The following GSTCD variants were observed in gnomAD, a reference collection of about 807,000 sequenced individuals.
GSTCD encodes the protein glutathione S-transferase C-terminal domain-containing protein.
In GSTCD, 44 loss-of-function variants were observed where a neutral mutation model predicts 68.3. That is an observed-to-expected ratio of 0.64 (90% CI 0.51 to 0.83). GSTCD has a LOEUF of 0.83. Ranked by LOEUF, GSTCD falls within the 40% of genes least tolerant of loss-of-function variation. The pLI, the probability that GSTCD is intolerant of heterozygous loss-of-function variation, is 0.00. For synonymous variants in GSTCD, 273 were observed against 255.2 expected (o/e 1.07, Z -0.67); for missense variants, 739 against 735.9 (o/e 1.00, Z -0.05).
At chr4:105,773,287 T>G (rs1734927202) in intron 5 of GSTCD, among the ~76,000 whole-genome samples, 2 of 152,152 alleles carry the variant, frequency 1.3e-5, no homozygotes, top group Admixed American at 1.3e-4. Flanking sequence ...ATCTATTTTG[T>G]TAATCTTTTC....
intron 4 of GSTCD, among the ~76,000 whole-genome samples, chr4:105,727,871 T>C (rs1733094210): frequency 6.6e-6 from 1 of 152,210 alleles, no homozygotes; most frequent in African/African-American, 2.4e-5. Flanking sequence ...AGAGAATTCA[T>C]GAAGTAAGTT....
intron 5 of GSTCD, among the ~76,000 whole-genome samples, chr4:105,782,739 T>G (rs2149250417): frequency 6.6e-6 from 1 of 152,184 alleles, no homozygotes; most frequent in Non-Finnish European, 1.5e-5. Context: ...TGCACCATCA[T>G]GCCCAGCTAA....
intron 5 of GSTCD, among the ~76,000 whole-genome samples, chr4:105,812,512 T>A (rs544408686): frequency 4.0e-4 from 61 of 152,256 alleles, no homozygotes; most frequent in African/African-American, 1.4e-3. Flanking sequence ...ATACTATGTT[T>A]TAAATCAGCT....
intron 3 of GSTCD, among the ~76,000 whole-genome samples, chr4:105,724,916 G>A (rs1286306418): frequency 1.3e-5 from 2 of 151,956 alleles, no homozygotes; most frequent in African/African-American, 4.8e-5. Context: ...TATGCAGTGT[G>A]TTAAGAACTT....
chr4:105,733,964 A>G (rs1039783524), intron 5 of GSTCD, among the ~76,000 whole-genome samples: 2 of 152,164 alleles, frequency 1.3e-5, no homozygotes, highest in African/African-American at 4.8e-5. Flanking sequence ...TTGGCTGGAT[A>G]TGAAATTCTG....
At position 105,717,809 on chromosome 4, in the gene GSTCD, G is replaced by A. The variant is rs1732728623; in HGVS notation, c.196G>A (p.Asp66Asn). The A allele has an allele frequency of 3.1e-6, 5 of 1,613,832 alleles. No homozygotes were observed. The highest frequency in any genetic ancestry group is 3.4e-6 in the Non-Finnish European group (4 of 1,179,880). Reference protein sequence around the residue: ...VSRDSSLLRDDLIQDVEIQII... With the variant: ...VSRDSSLLRDNLIQDVEIQII... Reference sequence around the variant, plus strand: ...TAGAGATAGTTCACTACTAAGAGATGACCTGATCCAGGATGTTGAAATACA... The same window carrying A: ...TAGAGATAGTTCACTACTAAGAGATAACCTGATCCAGGATGTTGAAATACA... The change falls in exon 2 of 12, where the codon GAC becomes AAC. Residue 66 changes from aspartate (D) to asparagine (N), a missense_variant. Coordinates refer to ENST00000515279, the MANE Select transcript of GSTCD (RefSeq NM_001370181.1).
intron 5 of GSTCD, among the ~76,000 whole-genome samples, chr4:105,751,870 A>T (rs1734021059): frequency 6.6e-6 from 1 of 152,182 alleles, no homozygotes; most frequent in Non-Finnish European, 1.5e-5. Context: ...AGTGAATGAG[A>T]TCATTTTGAA....
At chr4:105,749,185 C>CAT (rs199856654) in intron 5 of GSTCD, among the ~76,000 whole-genome samples, 8,154 of 143,078 alleles carry the variant, frequency 0.057, 252 homozygotes, top group Middle Eastern at 0.16. Flanking sequence ...AAAAAAGAAA[C>CAT]GTAAAATGCA....
intron 5 of GSTCD, among the ~76,000 whole-genome samples, chr4:105,754,282 A>G (rs757486779): frequency 3.9e-5 from 6 of 152,178 alleles, no homozygotes; most frequent in Non-Finnish European, 7.4e-5. Flanking sequence ...GCTCACAGGC[A>G]CTTAAACAAT....
chr4:105,779,251 A>G (rs1426676985), intron 5 of GSTCD, among the ~76,000 whole-genome samples: 1 of 152,150 alleles, frequency 6.6e-6, no homozygotes, highest in Non-Finnish European at 1.5e-5. Flanking sequence ...TTCTTGAAGA[A>G]CACAGACCAG....
chr4:105,743,089 A>G (rs969601247), intron 5 of GSTCD, among the ~76,000 whole-genome samples: 7 of 151,524 alleles, frequency 4.6e-5, no homozygotes, highest in Admixed American at 1.3e-4. Context: ...AGCTGGGACT[A>G]CAGGCGCCCG....
chr4:105,714,156 C>A (rs1267431692), intron 1 of GSTCD, among the ~76,000 whole-genome samples: 2 of 152,020 alleles, frequency 1.3e-5, no homozygotes, highest in Non-Finnish European at 2.9e-5. Context: ...TTTATTCATT[C>A]GGCAAGATTC....
chr4:105,784,848 T>G (rs1735403951), intron 5 of GSTCD, among the ~76,000 whole-genome samples: 1 of 152,230 alleles, frequency 6.6e-6, no homozygotes, highest in African/African-American at 2.4e-5. Context: ...AACTAACTCC[T>G]GCATCGTTTT....
intron 5 of GSTCD, among the ~76,000 whole-genome samples, chr4:105,816,981 A>C (rs796924821): frequency 6.6e-6 from 1 of 152,006 alleles, no homozygotes; most frequent in Non-Finnish European, 1.5e-5. Flanking sequence ...CAAGTGCTTA[A>C]TATATTGTAA....
chr4:105,803,655 G>A (rs897775518), intron 5 of GSTCD, among the ~76,000 whole-genome samples: 3 of 151,606 alleles, frequency 2.0e-5, no homozygotes, highest in Non-Finnish European at 4.4e-5. Context: ...ACAGGAGAAT[G>A]GACAAATTAT....
intron 5 of GSTCD, among the ~76,000 whole-genome samples, chr4:105,731,341 TA>T (rs777538581): frequency 5.3e-5 from 8 of 152,220 alleles, no homozygotes; most frequent in Admixed American, 2.6e-4. Context: ...ATTTTCACAA[TA>T]TTGATTCTTC....
At chr4:105,790,724 A>G (rs1314898398) in intron 5 of GSTCD, among the ~76,000 whole-genome samples, 1 of 152,120 alleles carries the variant, frequency 6.6e-6, no homozygotes, top group African/African-American at 2.4e-5. Context: ...GTTGGGGAAT[A>G]AACCTTACAG....
chr4:105,815,380 TA>T (rs1347720708), intron 5 of GSTCD: 1 of 152,156 alleles, frequency 6.6e-6, no homozygotes, highest in African/African-American at 2.4e-5. Flanking sequence ...TGAGATTTAA[TA>T]ACAGACATAG....
At chr4:105,741,413 A>G (rs1299241538) in intron 5 of GSTCD, among the ~76,000 whole-genome samples, 1 of 152,182 alleles carries the variant, frequency 6.6e-6, no homozygotes, top group Non-Finnish European at 1.5e-5. Flanking sequence ...GGTACTTACA[A>G]TTGAATTTTG....
Sources: allele counts gnomAD v4.1 joint callset (sites outside exome capture counted in the v4.1 genomes callset), GRCh38; gene constraint gnomAD v4.1.1; transcripts MANE v1.5; gene names NCBI Gene and HGNC (gene_info 2026-07-23, HGNC 2026-07-21).